DTNB: variants seen among roughly 807,000 people sequenced by gnomAD.
DTNB encodes dystrobrevin beta, also known as DTN-B.
In DTNB, 63 loss-of-function variants were observed where a neutral mutation model predicts 90.7. The observed-to-expected ratio is 0.69, with a 90% CI of 0.57 to 0.86. The LOEUF is 0.86. Among genes scored for constraint, DTNB ranks in the 40% least tolerant of loss-of-function variants. The pLI, the probability that DTNB is intolerant of heterozygous loss-of-function variation, is 0.00. For missense variants in DTNB, 744 were observed against 807.1 expected (o/e 0.92, Z 0.95); for synonymous variants, 277 against 286.7 (o/e 0.97, Z 0.34).
intron 8 of DTNB, among the ~76,000 whole-genome samples, chr2:25,536,662 A>T (rs950334988): frequency 4.6e-5 from 7 of 152,166 alleles, no homozygotes; most frequent in Non-Finnish European, 1.0e-4. Flanking sequence ...AGATCATGGC[A>T]GTACAGTCCA....
Position 25,518,083 on chromosome 2 carries a change from C to T in DTNB, c.1001+13390G>A, listed in dbSNP as rs1422562727. On this transcript the variant is annotated intron_variant, in intron 9 of 20. Transcript: ENST00000406818. ...GGAGGGAAAGGGCATTGCTGTTTAA[C>T]GGGTATGGAAAAAGTTCTGAAGATC... 3.9e-5 allele frequency among the ~76,000 whole-genome samples: 6 copies of T among 151,910 alleles called. No individual in the cohort carries two copies. In the South Asian group the frequency reaches 8.3e-4, roughly 21 times the overall value.
chr2:25,531,578 A>C lies in DTNB; in HGVS notation c.896T>G (p.Leu299Arg). The change falls in exon 9 of 21, where the codon CTG (leucine) becomes CGG (arginine). Residue 299 changes from leucine (L) to arginine (R), a missense_variant. Physicochemically the swap from Leu to Arg is moderately radical, Grantham distance 102 (BLOSUM62 -2). Coordinates refer to ENST00000406818, the MANE Select transcript of DTNB (RefSeq NM_021907.5). ...HSSWKSPAKK[L>R]SHAISKSLGC... ...CAAAGATTTACTAATTGCATGGCTC[A>C]GCTTCTTTGCAGGAGATTTCTGTGT... The C allele has an allele frequency of 6.2e-7, 1 of 1,613,866 alleles. No homozygotes were observed. The highest frequency in any genetic ancestry group is 8.5e-7 in the Non-Finnish European group (1 of 1,179,848).
At chr2:25,587,270 T>C (rs1233883528) in intron 6 of DTNB, among the ~76,000 whole-genome samples, 1 of 152,170 alleles carries the variant, frequency 6.6e-6, no homozygotes, top group Non-Finnish European at 1.5e-5. Flanking sequence ...TAAACTCAAA[T>C]TTGCTTATGA....
At chr2:25,407,756 CTA>C (rs1297608690) in intron 16 of DTNB, among the ~76,000 whole-genome samples, 1 of 152,070 alleles carries the variant, frequency 6.6e-6, no homozygotes, top group Non-Finnish European at 1.5e-5. Context: ...ATATAATGGA[CTA>C]TGGAGCCTCA....
intron 10 of DTNB, among the ~76,000 whole-genome samples, chr2:25,464,468 C>T (rs1184240009): frequency 6.6e-6 from 1 of 152,010 alleles, no homozygotes; most frequent in Non-Finnish European, 1.5e-5. Context: ...GGGTTATAAC[C>T]CAAAGCATAA....
Position 25,424,067 on chromosome 2 carries a change from T to G in DTNB, c.1554+3468A>C, listed in dbSNP as rs1195427373. Among the ~76,000 whole-genome samples the G allele has an allele frequency of 6.6e-6, 1 of 152,214 alleles. No individual in the cohort carries two copies. The highest frequency in any genetic ancestry group is 2.4e-5 in the African/African-American group (1 of 41,438). On this transcript the variant is annotated intron_variant, in intron 15 of 20. Transcript: ENST00000406818. The surrounding 1 kb of genome is among the most constrained non-coding windows in gnomAD (Gnocchi z 4.1). ...AAGTCAGTAATTCCTGTGTATGACC[T>G]TTCAGGTATGCATATAATACAAAAA... is the stretch of plus-strand genomic sequence containing the variant.
At chr2:25,597,795 C>G (rs10185746) in intron 5 of DTNB, among the ~76,000 whole-genome samples, 129,097 of 152,206 alleles carry the variant, frequency 0.85, 55,008 homozygotes, top group East Asian at 0.96. Flanking sequence ...GTGTTTAGAA[C>G]CATAACAGAG....
At chr2:25,639,403 G>T (rs567385554) in intron 2 of DTNB, 6 of 205,216 alleles carry the variant, frequency 2.9e-5, no homozygotes, top group Non-Finnish European at 4.9e-5. Context: ...GGGCAGCATC[G>T]TGAGAAAGAC....
intron 16 of DTNB, among the ~76,000 whole-genome samples, chr2:25,417,860 G>A (rs912743409): frequency 6.6e-6 from 1 of 152,122 alleles, no homozygotes; most frequent in Non-Finnish European, 1.5e-5. Flanking sequence ...TGTCTACTTG[G>A]GGGAGGTATT....
chr2:25,405,605 GTTGT>G (rs2044917381), intron 16 of DTNB, among the ~76,000 whole-genome samples: 2 of 150,628 alleles, frequency 1.3e-5, no homozygotes, highest in South Asian at 2.1e-4. Context: ...TTGTTTTGTT[GTTGT>G]TTTTTTTTTC....
intron 16 of DTNB, among the ~76,000 whole-genome samples, chr2:25,403,548 C>T (rs1381197819): frequency 6.6e-6 from 1 of 152,200 alleles, no homozygotes; most frequent in Non-Finnish European, 1.5e-5. Context: ...GAAACAGAAA[C>T]TAGGCTAGGT....
At chr2:25,450,225 A>G (rs2059071772) in intron 12 of DTNB, among the ~76,000 whole-genome samples, 1 of 152,218 alleles carries the variant, frequency 6.6e-6, no homozygotes, top group Non-Finnish European at 1.5e-5. Context: ...TTTGTATGGT[A>G]TGAGGCAGGG....
chr2:25,657,031 C>A (rs1277491262), intron 1 of DTNB, among the ~76,000 whole-genome samples: 1 of 152,078 alleles, frequency 6.6e-6, no homozygotes, highest in African/African-American at 2.4e-5. Context: ...AAAAAATTAA[C>A]TGGGTGTGGT....
intron 8 of DTNB, among the ~76,000 whole-genome samples, chr2:25,570,828 G>C (rs1322089188): frequency 6.6e-6 from 1 of 152,156 alleles, no homozygotes; most frequent in Admixed American, 6.5e-5. Context: ...TCTTCATGGT[G>C]TAAGTGGTAT....
chr2:25,546,830 T>C (rs762008044), intron 8 of DTNB, among the ~76,000 whole-genome samples: 106 of 152,314 alleles, frequency 7.0e-4, no homozygotes, highest in African/African-American at 2.6e-3. Context: ...CAAGATAGGA[T>C]AGATCTTCTA....
intron 10 of DTNB, among the ~76,000 whole-genome samples, chr2:25,480,513 G>C (rs2064722305): frequency 6.6e-6 from 1 of 152,176 alleles, no homozygotes; most frequent in African/African-American, 2.4e-5. Context: ...GCAAGCCTGA[G>C]GGGTAGGCCT....
chr2:25,474,853 C>T (rs571384948), intron 10 of DTNB, among the ~76,000 whole-genome samples: 46 of 152,236 alleles, frequency 3.0e-4, no homozygotes, highest in African/African-American at 1.1e-3. Flanking sequence ...ATCATCATAT[C>T]GGTTATGGTG....
chr2:25,554,435 T>G (rs190632138), intron 8 of DTNB, among the ~76,000 whole-genome samples: 1 of 152,160 alleles, frequency 6.6e-6, no homozygotes, highest in Admixed American at 6.5e-5. Context: ...TTAAAGGTAA[T>G]ATATTACCCA....
intron 8 of DTNB, among the ~76,000 whole-genome samples, chr2:25,548,524 G>A: frequency 6.6e-6 from 1 of 152,042 alleles, no homozygotes; most frequent in Non-Finnish European, 1.5e-5. Context: ...GGACATCTGG[G>A]GAATGGGCTC....
Sources: gnomAD v4.1 joint callset for allele counts (sites outside exome capture counted in the v4.1 genomes callset) on GRCh38, gnomAD v4.1.1 for gene constraint, Gnocchi (gnomAD v3.1) non-coding constraint, MANE v1.5 for transcripts, NCBI Gene and HGNC (gene_info 2026-07-23, HGNC 2026-07-21) for gene names.